The following POU6F2 variants were observed in gnomAD, a reference collection of about 807,000 sequenced individuals.
The protein encoded by POU6F2 is POU domain, class 6, transcription factor 2.
Under a neutral mutation model 71.3 loss-of-function variants are expected in POU6F2, and 31 were observed. The observed-to-expected ratio is 0.43, with a 90% confidence interval of 0.33 to 0.59. The LOEUF (loss-of-function observed/expected upper bound fraction) is 0.59, where lower values mean the gene tolerates loss of function less well. Ranked by LOEUF, POU6F2 falls within the 20% of genes least tolerant of loss-of-function variation. POU6F2 has a pLI of 0.04. For missense variants in POU6F2, 783 were observed against 856.8 expected (o/e 0.91, Z 1.07); for synonymous variants, 347 against 355.7 (o/e 0.98, Z 0.27).
intron 6 of POU6F2, 50 bp from the exon 7 acceptor site, chr7:39,433,027 G>T: frequency 1.3e-6 from 2 of 1,589,642 alleles, no homozygotes; most frequent in African/African-American, 1.3e-5. Context: ...TCAGTTGCAT[G>T]CACAGACCCT....
At chr7:39,090,631 G>C (rs1485540849) in intron 2 of POU6F2, among the ~76,000 whole-genome samples, 3 of 152,106 alleles carry the variant, frequency 2.0e-5, no homozygotes, top group African/African-American at 7.2e-5. Context: ...GATTTAGCTT[G>C]GAGGTGATGA....
At chr7:39,207,715 T>A in intron 4 of POU6F2, 95 bp downstream of exon 4, 3 of 1,189,718 alleles carry the variant, frequency 2.5e-6, no homozygotes, top group Non-Finnish European at 3.6e-6. Flanking sequence ...ATGGTGAATG[T>A]GGTTCAGAGT....
At position 39,258,948 on chromosome 7, in the gene POU6F2, G is replaced by A. The variant is rs75878354; in HGVS notation, c.598+51328G>A. 5.3e-3 allele frequency among the ~76,000 whole-genome samples: 801 copies of A among 152,266 alleles called. 7 individuals carry two copies. The highest frequency in any genetic ancestry group is 0.012 in the South Asian group (56 of 4,824). ...TACACTTCTCCCAGTATAACGTAGCGTTCTGGGTGAATTGCACCTAATTTT... is the reference window on the plus strand; with the variant it reads ...TACACTTCTCCCAGTATAACGTAGCATTCTGGGTGAATTGCACCTAATTTT... On this transcript the variant is annotated intron_variant, in intron 4 of 9. Coordinates refer to ENST00000518318, the MANE Select transcript of POU6F2 (RefSeq NM_001370959.1).
At chr7:39,160,804 C>G (rs1395366767) in intron 2 of POU6F2, among the ~76,000 whole-genome samples, 2 of 152,124 alleles carry the variant, frequency 1.3e-5, no homozygotes, top group African/African-American at 4.8e-5. Flanking sequence ...ATTTAGGACT[C>G]TTAAAGGAGT....
intron 1 of POU6F2, among the ~76,000 whole-genome samples, chr7:39,003,669 A>C (rs1788978074): frequency 6.6e-6 from 1 of 151,874 alleles, no homozygotes; most frequent in Non-Finnish European, 1.5e-5. Flanking sequence ...GAATGGTGTG[A>C]ACCTGGGAGG....
intron 1 of POU6F2, among the ~76,000 whole-genome samples, chr7:39,024,170 T>C (rs1332024850): frequency 6.6e-6 from 1 of 152,170 alleles, no homozygotes; most frequent in Admixed American, 6.6e-5. Flanking sequence ...TTGTATCCTC[T>C]TTTATTTCAT....
At chr7:39,090,225 A>G (rs532920012) in intron 2 of POU6F2, among the ~76,000 whole-genome samples, 1 of 152,240 alleles carries the variant, frequency 6.6e-6, no homozygotes, top group Middle Eastern at 3.4e-3. Flanking sequence ...AGAATGTACT[A>G]TATTGTGTAT....
chr7:39,023,132 G>T (rs1449687921), intron 1 of POU6F2, among the ~76,000 whole-genome samples: 1 of 151,822 alleles, frequency 6.6e-6, no homozygotes, highest in South Asian at 2.1e-4. Flanking sequence ...TTGATACTTT[G>T]TATATCTGTG....
At chr7:39,355,009 CCCA>C (rs1323764240) in intron 5 of POU6F2, among the ~76,000 whole-genome samples, 2 of 152,146 alleles carry the variant, frequency 1.3e-5, no homozygotes, top group Non-Finnish European at 2.9e-5. Context: ...ACTCTCTGCC[CCCA>C]GTCTGACAAG....
At chr7:39,435,777 C>T (rs1788225591) in intron 7 of POU6F2, among the ~76,000 whole-genome samples, 1 of 151,932 alleles carries the variant, frequency 6.6e-6, no homozygotes, top group Non-Finnish European at 1.5e-5. Flanking sequence ...ACATTTAAGT[C>T]TAATCCATCT....
chr7:39,139,302 A>G (rs184713953), intron 2 of POU6F2, among the ~76,000 whole-genome samples: 18 of 152,296 alleles, frequency 1.2e-4, no homozygotes, highest in Admixed American at 2.0e-4. Context: ...TTTGCCCCAG[A>G]GAGGCAGCAT....
chr7:39,097,018 T>A (rs1192224121), intron 2 of POU6F2, among the ~76,000 whole-genome samples: 1 of 152,196 alleles, frequency 6.6e-6, no homozygotes, highest in East Asian at 1.9e-4. Context: ...AATATATAGA[T>A]AAAAAGTGAT....
intron 4 of POU6F2, among the ~76,000 whole-genome samples, chr7:39,212,312 G>A (rs1407698239): frequency 6.6e-6 from 1 of 152,194 alleles, no homozygotes; most frequent in African/African-American, 2.4e-5. Context: ...AAAGCCAGTA[G>A]GGCCTCTTAT....
At chr7:39,394,442 T>G (rs1562813870) in intron 5 of POU6F2, among the ~76,000 whole-genome samples, 1 of 152,158 alleles carries the variant, frequency 6.6e-6, no homozygotes, top group Admixed American at 6.5e-5. Flanking sequence ...ATGTGAACAT[T>G]GAGGTGTTTT....
At chr7:39,443,224 G>C (rs1157250676) in intron 7 of POU6F2, among the ~76,000 whole-genome samples, 1 of 152,158 alleles carries the variant, frequency 6.6e-6, no homozygotes, top group Non-Finnish European at 1.5e-5. Context: ...GGAAAAAAAA[G>C]CCAGCTTCTT....
intron 2 of POU6F2, among the ~76,000 whole-genome samples, chr7:39,194,687 A>G (rs911351158): frequency 1.3e-5 from 2 of 152,216 alleles, no homozygotes; most frequent in Non-Finnish European, 2.9e-5. Flanking sequence ...GTCCCCTTCT[A>G]CGCTGTGGGA....
intron 4 of POU6F2, among the ~76,000 whole-genome samples, chr7:39,266,280 C>T (rs907481906): frequency 6.6e-6 from 1 of 152,172 alleles, no homozygotes; most frequent in Non-Finnish European, 1.5e-5. Flanking sequence ...TGAACAGGAT[C>T]AGATACACGT....
intron 2 of POU6F2, among the ~76,000 whole-genome samples, chr7:39,105,784 G>T (rs548188695): frequency 2.6e-4 from 39 of 152,258 alleles, no homozygotes; most frequent in African/African-American, 8.7e-4. Flanking sequence ...ACTTAGTACT[G>T]AATTCTTTTC....
intron 1 of POU6F2, among the ~76,000 whole-genome samples, chr7:39,070,849 G>A (rs926855873): frequency 6.6e-6 from 1 of 152,136 alleles, no homozygotes; most frequent in Non-Finnish European, 1.5e-5. Context: ...TACTTATTTC[G>A]CTTTTGCCTG....
Sources: gnomAD v4.1 joint callset for allele counts (sites outside exome capture counted in the v4.1 genomes callset) on GRCh38, gnomAD v4.1.1 for gene constraint, MANE v1.5 for transcripts, NCBI Gene and HGNC (gene_info 2026-07-23, HGNC 2026-07-21) for gene names.